EFNA5: variants seen among roughly 807,000 people sequenced by gnomAD.
EFNA5 encodes the protein ephrin-A5.
EFNA5 carries 5 observed loss-of-function variants against 22.9 expected under a neutral mutation model. The ratio of observed to expected loss-of-function variants is 0.22; its 90% CI spans 0.11 to 0.46. The LOEUF is 0.46. EFNA5 is among the 20% of genes least tolerant of loss of function. EFNA5 has a pLI of 0.99. For synonymous variants in EFNA5, 113 were observed against 112.2 expected (o/e 1.01, Z -0.04); for missense variants, 237 against 293.3 (o/e 0.81, Z 1.40).
chr5:107,543,472 C>T (rs563255273), intron 1 of EFNA5, among the ~76,000 whole-genome samples: 18 of 152,178 alleles, frequency 1.2e-4, no homozygotes, highest in Non-Finnish European at 2.6e-4. Flanking sequence ...CCCAAAAAAT[C>T]ACACAAAGAA....
chr5:107,550,446 T>C (rs1748268805), intron 1 of EFNA5, among the ~76,000 whole-genome samples: 1 of 152,186 alleles, frequency 6.6e-6, no homozygotes, highest in African/African-American at 2.4e-5. Context: ...AGGAGAATGA[T>C]TATGCGCTTA....
At chr5:107,451,855 C>T (rs1446776609) in intron 1 of EFNA5, among the ~76,000 whole-genome samples, 1 of 152,004 alleles carries the variant, frequency 6.6e-6, no homozygotes, top group Non-Finnish European at 1.5e-5. Context: ...ACCATTTGAC[C>T]CAGCAATCCC....
chr5:107,560,782 C>T (rs1748518717), intron 1 of EFNA5, among the ~76,000 whole-genome samples: 2 of 152,166 alleles, frequency 1.3e-5, no homozygotes, highest in East Asian at 1.9e-4. Context: ...CCTCATCCAT[C>T]GTAACAGCGA....
rs919274924 is a variant in EFNA5 at position 107,638,265 on chromosome 5, G to A, written c.125+32224C>T. Reference sequence around the variant, plus strand: ...GAAATCTTATCAGAGATACAACACCGCGTGATCTCACTTATATGCAGAGGC... The same window carrying A: ...GAAATCTTATCAGAGATACAACACCACGTGATCTCACTTATATGCAGAGGC... On this transcript the variant is annotated intron_variant, in intron 1 of 4. Coordinates refer to ENST00000333274, the MANE Select transcript of EFNA5 (RefSeq NM_001962.3). Among the ~76,000 whole-genome samples, 10 of 152,060 alleles carry A rather than the reference G, an allele frequency of 6.6e-5. No individual in the cohort carries two copies. In the East Asian group the frequency reaches 7.7e-4, roughly 12 times the overall value.
At chr5:107,387,191 G>A (rs201440682) in intron 4 of EFNA5, 44 bp downstream of exon 4, 19 of 1,368,352 alleles carry the variant, frequency 1.4e-5, no homozygotes, top group Non-Finnish European at 1.7e-5. Flanking sequence ...AAGCACCAGA[G>A]AAATAGATGC....
intron 1 of EFNA5, among the ~76,000 whole-genome samples, chr5:107,482,870 C>CTATATATATA (rs72399506): frequency 2.9e-4 from 17 of 59,092 alleles, no homozygotes; most frequent in African/African-American, 1.2e-3. Context: ...CTCTCTCTCT[C>CTATATATATA]TATATATATA....
At chr5:107,488,994 A>G (rs1746723077) in intron 1 of EFNA5, among the ~76,000 whole-genome samples, 3 of 152,120 alleles carry the variant, frequency 2.0e-5, no homozygotes, top group Non-Finnish European at 2.9e-5. Context: ...CCCGGCCACA[A>G]AAAAACCTCT....
At chr5:107,597,055 C>T (rs762857067) in intron 1 of EFNA5, among the ~76,000 whole-genome samples, 4 of 152,160 alleles carry the variant, frequency 2.6e-5, no homozygotes, top group African/African-American at 4.8e-5. Flanking sequence ...AGGTTTAAAA[C>T]ACTCATTTCT....
At chr5:107,538,827 T>C (rs1238527762) in intron 1 of EFNA5, among the ~76,000 whole-genome samples, 1 of 152,256 alleles carries the variant, frequency 6.6e-6, no homozygotes, top group Non-Finnish European at 1.5e-5. Flanking sequence ...ATCTGGGTCC[T>C]GGGTGTAGGG....
At chr5:107,438,708 G>T (rs767058654) in intron 1 of EFNA5, among the ~76,000 whole-genome samples, 1 of 152,272 alleles carries the variant, frequency 6.6e-6, no homozygotes, top group East Asian at 1.9e-4. Context: ...CGGATCTTTG[G>T]AGAGAAAGAC....
chr5:107,539,742 G>A (rs1748005853), intron 1 of EFNA5, among the ~76,000 whole-genome samples: 1 of 152,074 alleles, frequency 6.6e-6, no homozygotes, highest in Non-Finnish European at 1.5e-5. Context: ...CAGGCTATAG[G>A]CACAAGCCAC....
rs3999107 is a variant in EFNA5 at position 107,435,315 on chromosome 5, C to CTTTTTTTTTTTTTTTTTT, written c.126-7824_126-7807dup. Among the ~76,000 whole-genome samples, 80 of 104,618 alleles carry CTTTTTTTTTTTTTTTTTT rather than the reference C, an allele frequency of 7.6e-4. 1 individual carries two copies. The highest frequency in any genetic ancestry group is 1.4e-3 in the African/African-American group (36 of 25,154). 68.6% of individuals were successfully genotyped at this position (104,618 alleles called of 152,430 possible). Reference sequence around the variant, plus strand: ...TTCCTATTCTAAATCTGAAGATGCTCTTTTTTTTTTTTTTTTTTTTTTGCT... The same window carrying CTTTTTTTTTTTTTTTTTT: ...TTCCTATTCTAAATCTGAAGATGCTCTTTTTTTTTTTTTTTTTTTTTTTTTTTTTTTTTTTTTTTTGCT... On this transcript the variant is annotated intron_variant, in intron 1 of 4. Transcript: ENST00000333274.
intron 1 of EFNA5, among the ~76,000 whole-genome samples, chr5:107,658,670 CTTAATT>C (rs1222842036): frequency 6.6e-6 from 1 of 152,176 alleles, no homozygotes; most frequent in African/African-American, 2.4e-5. Flanking sequence ...CTCTCTCCCA[CTTAATT>C]TTATCTAGAA....
At position 107,670,650 on chromosome 5, in the gene EFNA5, T is replaced by G; in HGVS notation, c.-37A>C. Reference sequence around the variant, plus strand: ...AGCGGCGGAGCCCCCGACGCGCCACTCCGGGGAGAGAGCGGGGATCCGGAG... The same window carrying G: ...AGCGGCGGAGCCCCCGACGCGCCACGCCGGGGAGAGAGCGGGGATCCGGAG... On this transcript the variant is annotated 5_prime_UTR_variant, in exon 1 of 5. Transcript: ENST00000333274. 7.5e-6 allele frequency: 12 copies of G among 1,591,028 alleles called. No homozygotes were observed. The highest frequency in any genetic ancestry group is 1.0e-5 in the Non-Finnish European group (12 of 1,169,714).
chr5:107,463,625 A>C (rs937940181), intron 1 of EFNA5, among the ~76,000 whole-genome samples: 1 of 152,214 alleles, frequency 6.6e-6, no homozygotes, highest in Non-Finnish European at 1.5e-5. Context: ...AGAGTAAATA[A>C]AGAGGAATTA....
At chr5:107,548,803 G>A (rs1748224769) in intron 1 of EFNA5, among the ~76,000 whole-genome samples, 1 of 151,932 alleles carries the variant, frequency 6.6e-6, no homozygotes. Context: ...GTGGATTATG[G>A]TGGTAGGACT....
In EFNA5 at chr5:107,645,549, C is replaced by G. The variant is rs567847713; in HGVS notation, c.125+24940G>C. 6.6e-5 allele frequency among the ~76,000 whole-genome samples: 10 copies of G among 152,296 alleles called. No individual in the cohort carries two copies. In the East Asian group the frequency reaches 1.9e-3, roughly 29 times the overall value. ...TACTGAATCAAGTTTTATAGTCAAT[C>G]TAGTCATTAAATTTACCCTAAAACA... On this transcript the variant is annotated intron_variant, in intron 1 of 4. Transcript: ENST00000333274.
intron 2 of EFNA5, among the ~76,000 whole-genome samples, chr5:107,400,577 C>T (rs1424801441): frequency 6.6e-6 from 1 of 152,188 alleles, no homozygotes; most frequent in African/African-American, 2.4e-5. Context: ...GCTCCAGAAG[C>T]AGGAACCATT....
intron 1 of EFNA5, among the ~76,000 whole-genome samples, chr5:107,463,969 G>A (rs192692621): frequency 4.0e-4 from 61 of 152,250 alleles, no homozygotes; most frequent in African/African-American, 1.4e-3. Flanking sequence ...AGTTTACTCT[G>A]TATGACAGCA....
Sources: gnomAD v4.1 joint callset for allele counts (sites outside exome capture counted in the v4.1 genomes callset) on GRCh38, gnomAD v4.1.1 for gene constraint, MANE v1.5 for transcripts, NCBI Gene and HGNC (gene_info 2026-07-23, HGNC 2026-07-21) for gene names.